Variants in LRRTM4 observed in about 807,000 individuals in gnomAD.
LRRTM4 encodes leucine-rich repeat transmembrane neuronal protein 4.
In LRRTM4, 25 loss-of-function variants were observed where a neutral mutation model predicts 47.6. The observed-to-expected ratio is 0.53, with a 90% CI of 0.38 to 0.73. The LOEUF (loss-of-function observed/expected upper bound fraction) is 0.73. LRRTM4 is among the 30% of genes least tolerant of loss of function. The pLI is 0.00. For synonymous variants in LRRTM4, 311 were observed against 269.5 expected, an observed-to-expected ratio of 1.15 and a Z score of -1.51; for missense variants, 638 against 713.4, an observed-to-expected ratio of 0.89 and a Z score of 1.20.
chr2:77,045,654 C>T (rs1314916645), intron 3 of LRRTM4, among the ~76,000 whole-genome samples: 1 of 151,952 alleles, frequency 6.6e-6, no homozygotes. Flanking sequence ...CAAGCTCTCT[C>T]TTTGCTTGCT....
intron 3 of LRRTM4, among the ~76,000 whole-genome samples, chr2:76,942,938 G>A (rs149559224): frequency 1.3e-5 from 2 of 152,158 alleles, no homozygotes; most frequent in African/African-American, 2.4e-5. Flanking sequence ...AGTAATTCAA[G>A]ATTATTTATC....
At chr2:77,515,829 C>T (rs557871318) in intron 3 of LRRTM4, among the ~76,000 whole-genome samples, 20 of 151,874 alleles carry the variant, frequency 1.3e-4, no homozygotes, top group South Asian at 1.2e-3. Flanking sequence ...AAATTTTACT[C>T]CGAGTGACAA....
chr2:76,781,316 T>G (rs908549912), intron 3 of LRRTM4, among the ~76,000 whole-genome samples: 4 of 147,404 alleles, frequency 2.7e-5, no homozygotes, highest in South Asian at 2.2e-4. Context: ...GTTTACCTAA[T>G]CAAGCCTGTT....
chr2:76,902,619 G>T (rs1432452984), intron 3 of LRRTM4, among the ~76,000 whole-genome samples: 1 of 152,100 alleles, frequency 6.6e-6, no homozygotes, highest in Non-Finnish European at 1.5e-5. Context: ...GTAATGGGGT[G>T]GACCCTAAAG....
intron 3 of LRRTM4, among the ~76,000 whole-genome samples, chr2:77,175,466 GA>G (rs1673169283): frequency 6.6e-6 from 1 of 152,068 alleles, no homozygotes; most frequent in South Asian, 2.1e-4. Context: ...AATGTGTCTA[GA>G]CTTGCTGGCT....
intron 3 of LRRTM4, among the ~76,000 whole-genome samples, chr2:77,315,333 A>G (rs1558684621): frequency 6.6e-6 from 1 of 152,280 alleles, no homozygotes; most frequent in East Asian, 1.9e-4. Context: ...TTTGTTCACA[A>G]GGAATAATAT....
chr2:77,156,621 T>A (rs970990697), intron 3 of LRRTM4, among the ~76,000 whole-genome samples: 18 of 151,440 alleles, frequency 1.2e-4, no homozygotes, highest in African/African-American at 4.4e-4. Flanking sequence ...ACATGTGCAA[T>A]ATCAGTGCCA....
At chr2:77,361,584 G>C (rs1672213230) in intron 3 of LRRTM4, among the ~76,000 whole-genome samples, 1 of 152,068 alleles carries the variant, frequency 6.6e-6, no homozygotes, top group African/African-American at 2.4e-5. Context: ...TTAGCTAATT[G>C]AAAGAATTGT....
intron 3 of LRRTM4, among the ~76,000 whole-genome samples, chr2:76,789,029 C>T (rs372665616): frequency 6.6e-6 from 1 of 152,144 alleles, no homozygotes; most frequent in Admixed American, 6.5e-5. Context: ...TGGCACCCTG[C>T]TTCTCTGGTT....
At chr2:77,112,494 T>C (rs1314092048) in intron 3 of LRRTM4, among the ~76,000 whole-genome samples, 1 of 152,186 alleles carries the variant, frequency 6.6e-6, no homozygotes, top group Non-Finnish European at 1.5e-5. Flanking sequence ...ATCTTTTATA[T>C]TGCTTCTGCA....
chr2:77,506,606 T>C (rs1392961870), intron 3 of LRRTM4, among the ~76,000 whole-genome samples: 1 of 151,692 alleles, frequency 6.6e-6, no homozygotes, highest in African/African-American at 2.4e-5. Flanking sequence ...TGTGGAAAAA[T>C]GGGAACTCTT....
In LRRTM4 at chr2:77,363,581, C is replaced by T. The variant is rs527704295; in HGVS notation, c.1551+154737G>A. 1.2e-4 allele frequency among the ~76,000 whole-genome samples: 18 copies of T among 152,230 alleles called. No individual in the cohort carries two copies. In the South Asian group the frequency reaches 1.5e-3, roughly 12 times the overall value. On this transcript the variant is annotated intron_variant, in intron 3 of 3. Coordinates refer to ENST00000409884, the MANE Select transcript of LRRTM4 (RefSeq NM_001134745.3). ...TGCATGTATTCTGTGTCCTGTCATC[C>T]TGGTATGGTTTACTGAGCTTTGCAT... is the stretch of plus-strand genomic sequence containing the variant.
At chr2:76,801,022 G>T (rs1675645501) in intron 3 of LRRTM4, among the ~76,000 whole-genome samples, 1 of 146,882 alleles carries the variant, frequency 6.8e-6, no homozygotes, top group Non-Finnish European at 1.5e-5. Flanking sequence ...AACAGGTGCT[G>T]GAGCGGATGT....
chr2:77,393,790 G>C (rs1673594086), intron 3 of LRRTM4, among the ~76,000 whole-genome samples: 1 of 151,880 alleles, frequency 6.6e-6, no homozygotes, highest in East Asian at 1.9e-4. Context: ...ACAACAAAGG[G>C]ACAGAGCTAC....
intron 3 of LRRTM4, among the ~76,000 whole-genome samples, chr2:77,502,721 T>C (rs1678619733): frequency 6.6e-6 from 1 of 151,572 alleles, no homozygotes; most frequent in Admixed American, 6.6e-5. Context: ...CAAGTCATTA[T>C]GAAAAAGGAG....
chr2:77,043,022 C>T (rs773518785), intron 3 of LRRTM4, among the ~76,000 whole-genome samples: 3 of 151,698 alleles, frequency 2.0e-5, no homozygotes, highest in Admixed American at 6.6e-5. Flanking sequence ...TGCTGGGACT[C>T]GTGAGATTTA....
At chr2:77,245,641 T>C (rs1675425733) in intron 3 of LRRTM4, among the ~76,000 whole-genome samples, 1 of 151,140 alleles carries the variant, frequency 6.6e-6, no homozygotes, top group African/African-American at 2.4e-5. Flanking sequence ...TTGTGATACC[T>C]TCTAGTGTCA....
Position 77,203,563 on chromosome 2 carries a change from G to A in LRRTM4, c.1551+314755C>T, listed in dbSNP as rs1055189143. ...TGCTACTGTGAAGGTAAAAACTCAAGACTGAGCCAAGCCAGACAGACAGCC... is the reference window on the plus strand; with the variant it reads ...TGCTACTGTGAAGGTAAAAACTCAAAACTGAGCCAAGCCAGACAGACAGCC... On this transcript the variant is annotated intron_variant, in intron 3 of 3. Transcript: ENST00000409884. 1.3e-5 allele frequency among the ~76,000 whole-genome samples: 2 copies of A among 152,136 alleles called. 1 individual carries two copies. Among genetic ancestry groups the A allele is most frequent in the Middle Eastern group, 6.3e-3 (2 of 316 alleles).
chr2:76,911,729 A>G (rs761543387), intron 3 of LRRTM4, among the ~76,000 whole-genome samples: 9 of 151,806 alleles, frequency 5.9e-5, no homozygotes, highest in Non-Finnish European at 1.0e-4. Flanking sequence ...AAATGTCAGT[A>G]GAAATGGAAT....
Sources: allele counts gnomAD v4.1 joint callset (sites outside exome capture counted in the v4.1 genomes callset), GRCh38; gene constraint gnomAD v4.1.1; transcripts MANE v1.5; gene names NCBI Gene and HGNC (gene_info 2026-07-23, HGNC 2026-07-21).